STK32B: variants seen among roughly 807,000 people sequenced by gnomAD.
STK32B encodes the protein serine/threonine-protein kinase 32B.
Under a neutral mutation model 52.6 loss-of-function variants are expected in STK32B, and 43 were observed. That is an observed-to-expected ratio of 0.82 (90% CI 0.64 to 1.05). STK32B has a LOEUF of 1.05. Among genes scored for constraint, STK32B ranks in the 50% least tolerant of loss-of-function variants. The pLI, the probability that STK32B is intolerant of heterozygous loss-of-function variation, is 0.00. For missense variants in STK32B, 621 were observed against 534.6 expected (o/e 1.16, Z -1.59); for synonymous variants, 238 against 204.3 (o/e 1.17, Z -1.41).
intron 4 of STK32B, among the ~76,000 whole-genome samples, chr4:5,389,924 A>C (rs1458094979): frequency 6.6e-6 from 1 of 152,094 alleles, no homozygotes; most frequent in Non-Finnish European, 1.5e-5. Context: ...GCAGTAGGAG[A>C]TGCAGCTGCA....
intron 1 of STK32B, among the ~76,000 whole-genome samples, chr4:5,112,237 G>A (rs1295422313): frequency 2.6e-5 from 4 of 152,156 alleles, no homozygotes; most frequent in African/African-American, 9.7e-5. Context: ...TCTGCTGTGA[G>A]ATTGTATTTG....
intron 11 of STK32B, among the ~76,000 whole-genome samples, chr4:5,493,802 G>T (rs1361195271): frequency 1.3e-5 from 2 of 152,244 alleles, no homozygotes; most frequent in African/African-American, 4.8e-5. Flanking sequence ...TGGTTTCAAA[G>T]AACATCTTTA....
At chr4:5,129,053 A>G (rs1715588308) in intron 1 of STK32B, among the ~76,000 whole-genome samples, 1 of 152,184 alleles carries the variant, frequency 6.6e-6, no homozygotes, top group African/African-American at 2.4e-5. Flanking sequence ...ATCTGCTGAG[A>G]GGCAAAATCG....
At chr4:5,322,120 G>A (rs1731543686) in intron 3 of STK32B, among the ~76,000 whole-genome samples, 1 of 152,034 alleles carries the variant, frequency 6.6e-6, no homozygotes, top group African/African-American at 2.4e-5. Context: ...GATTGGTTGA[G>A]GACAGGAGTT....
intron 1 of STK32B, among the ~76,000 whole-genome samples, chr4:5,105,050 C>A (rs555623836): frequency 6.6e-6 from 1 of 152,274 alleles, no homozygotes; most frequent in East Asian, 1.9e-4. Flanking sequence ...TCACTTGCGA[C>A]GTAAGAGGGA....
chr4:5,314,157 T>C (rs1730499450), intron 3 of STK32B, among the ~76,000 whole-genome samples: 1 of 151,924 alleles, frequency 6.6e-6, no homozygotes, highest in Non-Finnish European at 1.5e-5. Context: ...CTACTCAATG[T>C]TAAGTTTTAT....
intron 1 of STK32B, among the ~76,000 whole-genome samples, chr4:5,138,973 A>G (rs1716240500): frequency 6.6e-6 from 1 of 152,066 alleles, no homozygotes; most frequent in African/African-American, 2.4e-5. Flanking sequence ...AATGGAGGGG[A>G]CATCGGAGGG....
intron 3 of STK32B, among the ~76,000 whole-genome samples, chr4:5,197,815 A>T (rs971903622): frequency 6.6e-6 from 1 of 152,246 alleles, no homozygotes; most frequent in African/African-American, 2.4e-5. Context: ...AAATTATAAA[A>T]ATGCTCAGAT....
chr4:5,480,081 G>T (rs1293889337), intron 11 of STK32B, among the ~76,000 whole-genome samples: 2 of 152,038 alleles, frequency 1.3e-5, no homozygotes, highest in Non-Finnish European at 2.9e-5. Context: ...TAACAGCCTC[G>T]GTGACAGTCA....
At chr4:5,364,670 C>A (rs555914469) in intron 4 of STK32B, among the ~76,000 whole-genome samples, 10 of 152,156 alleles carry the variant, frequency 6.6e-5, no homozygotes, top group African/African-American at 2.4e-4. Flanking sequence ...CAGGGACAGC[C>A]CCTCTAGAAT....
At chr4:5,029,980 G>A in the STK32B span, among the ~76,000 whole-genome samples, 14 of 152,230 alleles carry the variant, frequency 9.2e-5, no homozygotes, top group Admixed American at 3.9e-4. Flanking sequence ...GGCTCTTCCC[G>A]CTTTGCTCAG....
intron 2 of STK32B, among the ~76,000 whole-genome samples, chr4:5,148,123 G>C (rs190762643): frequency 3.8e-4 from 57 of 151,818 alleles, no homozygotes; most frequent in African/African-American, 1.2e-3. Context: ...ATAACTTTTG[G>C]TAAGTTATAT....
chr4:5,144,416 G>A (rs1299070101), intron 2 of STK32B, among the ~76,000 whole-genome samples: 2 of 152,202 alleles, frequency 1.3e-5, no homozygotes, highest in Non-Finnish European at 2.9e-5. Flanking sequence ...AGCAGGGAGT[G>A]AGGAAGGGAG....
At position 5,460,841 on chromosome 4, in the gene STK32B, T is replaced by C. The variant is rs76702615; in HGVS notation, c.909+613T>C. On this transcript the variant is annotated intron_variant, in intron 9 of 11. Coordinates refer to ENST00000282908, the MANE Select transcript of STK32B (RefSeq NM_018401.3). The surrounding 1 kb of genome is among the most constrained non-coding windows in gnomAD (Gnocchi z 4.8). ...AAACCAGAGGGAATATAATAGGAAA[T>C]GGGGCCAGGAGGGAACACATGCCAC... Among the ~76,000 whole-genome samples, 161 of 152,068 alleles carry C rather than the reference T, an allele frequency of 1.1e-3. No individual in the cohort carries two copies. Among genetic ancestry groups the C allele is most frequent in the African/African-American group, 3.6e-3 (151 of 41,476 alleles).
chr4:5,350,551 G>A (rs1049699835), intron 4 of STK32B, among the ~76,000 whole-genome samples: 2 of 151,634 alleles, frequency 1.3e-5, no homozygotes, highest in African/African-American at 4.8e-5. Context: ...CCACCAAAAC[G>A]CAATGATAAA....
intron 4 of STK32B, chr4:5,345,455 A>G (rs1377791277): frequency 3.3e-5 from 5 of 152,226 alleles, no homozygotes; most frequent in Admixed American, 6.5e-5. Context: ...CTAAAAGCAC[A>G]TGCATGTTTG....
At chr4:5,491,418 T>G (rs1247602949) in intron 11 of STK32B, among the ~76,000 whole-genome samples, 2 of 152,238 alleles carry the variant, frequency 1.3e-5, no homozygotes, top group African/African-American at 4.8e-5. Flanking sequence ...CACTTTTTGA[T>G]GGGGTTGTCT....
At chr4:5,319,514 C>A (rs565317794) in intron 3 of STK32B, among the ~76,000 whole-genome samples, 37 of 152,258 alleles carry the variant, frequency 2.4e-4, no homozygotes, top group African/African-American at 8.2e-4. Flanking sequence ...TCATGACTTA[C>A]AAAGCCCTTC....
Position 5,499,174 on chromosome 4 carries a change from C to A in STK32B, c.*91C>A. 7.0e-7 allele frequency: 1 copy of A among 1,433,202 alleles called. No individual in the cohort carries two copies. Among genetic ancestry groups the A allele is most frequent in the South Asian group, 1.5e-5 (1 of 64,574 alleles). The allele number at this position is 1,433,202 out of a possible 1,614,324, so 88.8% of individuals were successfully genotyped here. The stretch of plus-strand genomic sequence containing the variant: ...TTGTGCCCTGATGGTCCCTGTCTCA[C>A]CCCTGAAAACATCAGATGCAGAAAA... On this transcript the variant is annotated 3_prime_UTR_variant, in exon 12 of 12. Coordinates refer to ENST00000282908, the MANE Select transcript of STK32B (RefSeq NM_018401.3).
Sources: gnomAD v4.1 joint callset for allele counts (sites outside exome capture counted in the v4.1 genomes callset) on GRCh38, gnomAD v4.1.1 for gene constraint, Gnocchi (gnomAD v3.1) non-coding constraint, MANE v1.5 for transcripts, NCBI Gene and HGNC (gene_info 2026-07-23, HGNC 2026-07-21) for gene names.